Variants in IL25 observed in about 807,000 individuals in gnomAD.
IL25 encodes interleukin-25.
A neutral mutation model predicts 13.2 loss-of-function variants in IL25; 10 were observed. That is an observed-to-expected ratio of 0.76 (90% confidence interval 0.47 to 1.29). IL25 has a LOEUF of 1.29. IL25 is among the 50% of genes most tolerant of loss of function. IL25 has a pLI of 0.00. For synonymous variants in IL25, 107 were observed against 92.1 expected, an observed-to-expected ratio of 1.16 and a Z score of -0.93; for missense variants, 235 against 232.4, an observed-to-expected ratio of 1.01 and a Z score of -0.07.
At chr14:23,374,688 G>A (rs1345939602) in intron 1 of IL25, among the ~76,000 whole-genome samples, 1 of 151,792 alleles carries the variant, frequency 6.6e-6, no homozygotes. Context: ...AGACCTGTGG[G>A]ACATCTACTT....
exon 1 of IL25, chr14:23,373,300 C>T: frequency 1.9e-6 from 3 of 1,614,156 alleles, no homozygotes; most frequent in Non-Finnish European, 2.5e-6. Context: ...CCTGTGCCTC[C>T]CCTAGAGCCT....
intron 1 of IL25, among the ~76,000 whole-genome samples, chr14:23,375,365 G>A (rs1398605208): frequency 2.0e-5 from 3 of 152,236 alleles, no homozygotes; most frequent in Non-Finnish European, 1.5e-5. Context: ...GCAGGAGCCT[G>A]CTCACCCTCC....
At chr14:23,376,037 C>G in exon 2 of IL25, 1 of 892,340 alleles carries the variant, frequency 1.1e-6, no homozygotes, top group Non-Finnish European at 1.7e-6. Context: ...TGGGGAAAGC[C>G]TGCACTTCTG....
chr14:23,375,675 G>T (rs1160024262), exon 2 of IL25: 1 of 1,614,168 alleles, frequency 6.2e-7, no homozygotes, highest in Non-Finnish European at 8.5e-7. Flanking sequence ...CACGCCCGTT[G>T]CCTGTGCCCG....
intron 1 of IL25, among the ~76,000 whole-genome samples, chr14:23,373,985 T>C (rs972678529): frequency 3.3e-5 from 5 of 152,206 alleles, no homozygotes; most frequent in Admixed American, 3.3e-4. Flanking sequence ...ATTTGTGCCA[T>C]GATATGAAAA....
chr14:23,376,256 ATTTG>A (rs1890556451), exon 2 of IL25: 2 of 247,678 alleles, frequency 8.1e-6, no homozygotes, highest in Non-Finnish European at 1.6e-5. Flanking sequence ...CCCTGGTTTT[ATTTG>A]TTTGTTTACT....
At chr14:23,374,778 T>G (rs1890494537) in intron 1 of IL25, among the ~76,000 whole-genome samples, 1 of 151,870 alleles carries the variant, frequency 6.6e-6, no homozygotes, top group Non-Finnish European at 1.5e-5. Flanking sequence ...TAAATAAGTC[T>G]TCCCATGCAC....
rs1463684200 is a variant in IL25 at position 23,375,822 on chromosome 14, G to T, written c.476G>T (p.Arg159Leu). The change falls in exon 2 of 2, where the codon CGC (arginine) becomes CTC (leucine). Residue 159 changes from arginine to leucine, a missense_variant. Transcript: ENST00000329715. ...ACCCACAAGGGCTACTGCCTGGAGC[G>T]CAGGCTGTACCGTGTTTCCTTAGCT... 2.7e-5 allele frequency: 43 copies of T among 1,614,236 alleles called. No homozygotes were observed. Among genetic ancestry groups the T allele is most frequent in the Non-Finnish European group, 3.6e-5 (42 of 1,180,026 alleles).
upstream of IL25, chr14:23,372,851 A>G (rs1890451645): frequency 1.0e-6 from 1 of 992,664 alleles, no homozygotes; most frequent in Non-Finnish European, 1.5e-6. Context: ...AAATTTGAAT[A>G]AACAAAACAG....
exon 2 of IL25, chr14:23,376,187 T>G: frequency 7.9e-6 from 3 of 378,074 alleles, no homozygotes; most frequent in South Asian, 3.8e-5. Context: ...CATCCCCTGC[T>G]ACCCTGGCCC....
At chr14:23,374,757 T>C (rs1890494140) in intron 1 of IL25, among the ~76,000 whole-genome samples, 1 of 151,678 alleles carries the variant, frequency 6.6e-6, no homozygotes, top group African/African-American at 2.4e-5. Context: ...ATGAAATCCT[T>C]TCAGAATAAG....
At chr14:23,375,898 T>TG (rs1311039761) in exon 2 of IL25, 2 of 1,609,262 alleles carry the variant, frequency 1.2e-6, no homozygotes, top group African/African-American at 2.7e-5. Context: ...TGCTGGAGGC[T>TG]GGTCCCTTTT....
chr14:23,373,601 GTT>G (rs534803213), intron 1 of IL25, among the ~76,000 whole-genome samples: 4 of 144,848 alleles, frequency 2.8e-5, no homozygotes, highest in African/African-American at 7.6e-5. Context: ...AAAACTCAGG[GTT>G]TTTTTTTTTT....
exon 1 of IL25, chr14:23,373,285 C>T (rs1260662563): frequency 6.2e-7 from 1 of 1,614,174 alleles, no homozygotes; most frequent in Non-Finnish European, 8.5e-7. Flanking sequence ...AGGTGGAGCA[C>T]TGTGCCTGTG....
At chr14:23,375,697 C>G in exon 2 of IL25, 3 of 1,614,200 alleles carry the variant, frequency 1.9e-6, no homozygotes, top group Non-Finnish European at 2.5e-6. Context: ...ACTGCGTCAG[C>G]CTACAGACAG....
At chr14:23,373,370 C>G (rs762271519) in exon 1 of IL25, 4 of 1,613,136 alleles carry the variant, frequency 2.5e-6, no homozygotes, top group Non-Finnish European at 3.4e-6. Context: ...CCCTCAACAG[C>G]AGGGCCATCT....
intron 1 of IL25, among the ~76,000 whole-genome samples, chr14:23,375,134 G>C (rs1353700160): frequency 6.6e-6 from 1 of 152,096 alleles, no homozygotes; most frequent in African/African-American, 2.4e-5. Flanking sequence ...ATGAAAATTA[G>C]CTGGGTATGG....
chr14:23,375,799 C>T lies in IL25; in HGVS notation c.453C>T (p.Thr151=), dbSNP rs372547550. The change falls in exon 2 of 2, where the codon ACC becomes ACT. Residue 151 remains threonine (T), a synonymous_variant. Transcript: ENST00000329715. ...GGCCATGCCATGGCGAGAAGGGCAC[C>T]CACAAGGGCTACTGCCTGGAGCGCA... 2.9e-5 allele frequency: 47 copies of T among 1,614,238 alleles called. 1 individual carries two copies. The African/African-American group carries it at 3.1e-4, about 11-fold the overall frequency.
exon 1 of IL25, chr14:23,373,330 C>G (rs943089085): frequency 1.2e-6 from 2 of 1,614,136 alleles, no homozygotes; most frequent in Admixed American, 3.3e-5. Flanking sequence ...AACCGCCACC[C>G]AGAGTCCTGT....
Sources: allele counts gnomAD v4.1 joint callset (sites outside exome capture counted in the v4.1 genomes callset), GRCh38; gene constraint gnomAD v4.1.1; transcripts MANE v1.5; gene names NCBI Gene and HGNC (gene_info 2026-07-23, HGNC 2026-07-21).